OXR1: variants seen among roughly 807,000 people sequenced by gnomAD.
OXR1 encodes the protein oxidation resistance protein 1.
A neutral mutation model predicts 104.6 loss-of-function variants in OXR1; 41 were observed. That is an observed-to-expected ratio of 0.39 (90% CI 0.31 to 0.51). The LOEUF is 0.51. Ranked by LOEUF, OXR1 falls within the 20% of genes least tolerant of loss-of-function variation. The pLI is 0.77. For missense variants in OXR1, 955 were observed against 1,031.9 expected, an observed-to-expected ratio of 0.93 and a Z score of 1.02; for synonymous variants, 348 against 348.4, an observed-to-expected ratio of 1.00 and a Z score of 0.01.
At chr8:106,419,619 C>G (rs1234991402) in intron 2 of OXR1, among the ~76,000 whole-genome samples, 2 of 152,124 alleles carry the variant, frequency 1.3e-5, no homozygotes, top group Non-Finnish European at 2.9e-5. Flanking sequence ...TAGAGCCTAC[C>G]AAAGTCCCCA....
At chr8:106,658,233 G>C in intron 3 of OXR1, 2 of 1,230,936 alleles carry the variant, frequency 1.6e-6, no homozygotes, top group Non-Finnish European at 2.0e-6. Flanking sequence ...CTGGGCTGAG[G>C]GCTGTGGGGA....
At chr8:106,354,549 C>T (rs1815879869) in intron 1 of OXR1, among the ~76,000 whole-genome samples, 1 of 152,044 alleles carries the variant, frequency 6.6e-6, no homozygotes, top group Admixed American at 6.6e-5. Context: ...GGAATTGAAG[C>T]CTAATTTTCT....
chr8:106,709,078 G>A (rs996974512), intron 9 of OXR1, among the ~76,000 whole-genome samples: 2 of 151,830 alleles, frequency 1.3e-5, no homozygotes, highest in African/African-American at 4.8e-5. Flanking sequence ...CAAAACTAAT[G>A]CATGTTCAGT....
intron 1 of OXR1, among the ~76,000 whole-genome samples, chr8:106,339,131 A>C (rs1815088181): frequency 6.6e-6 from 1 of 152,034 alleles, no homozygotes; most frequent in African/African-American, 2.4e-5. Flanking sequence ...CACATTGATA[A>C]ATTTATTTGA....
At chr8:106,271,915 C>A (rs576987578) in intron 1 of OXR1, 3 of 152,230 alleles carry the variant, frequency 2.0e-5, no homozygotes, top group South Asian at 4.2e-4. Context: ...ATCTCCAAGG[C>A]GTCACTCCAG....
At chr8:106,448,859 A>G (rs756873189) in intron 2 of OXR1, among the ~76,000 whole-genome samples, 3 of 152,086 alleles carry the variant, frequency 2.0e-5, no homozygotes, top group Non-Finnish European at 4.4e-5. Flanking sequence ...CTTTTTCGTT[A>G]TTTCTGTCAG....
At chr8:106,490,200 A>G (rs1253336471) in intron 2 of OXR1, among the ~76,000 whole-genome samples, 2 of 152,218 alleles carry the variant, frequency 1.3e-5, no homozygotes, top group African/African-American at 2.4e-5. Flanking sequence ...TCTTTCAACA[A>G]TACGTTACCT....
chr8:106,407,308 T>A (rs1367781686), intron 2 of OXR1, among the ~76,000 whole-genome samples: 2 of 152,166 alleles, frequency 1.3e-5, no homozygotes, highest in Non-Finnish European at 2.9e-5. Context: ...GTGAGTGAGT[T>A]CTCCTTTGAA....
At chr8:106,592,484 C>T (rs544803843) in intron 3 of OXR1, among the ~76,000 whole-genome samples, 137 of 152,150 alleles carry the variant, frequency 9.0e-4, no homozygotes, top group African/African-American at 3.2e-3. Flanking sequence ...TAGAATGATC[C>T]TAAGTGATGG....
chr8:106,416,108 A>G (rs1367821855), intron 2 of OXR1, among the ~76,000 whole-genome samples: 1 of 152,092 alleles, frequency 6.6e-6, no homozygotes, highest in Non-Finnish European at 1.5e-5. Context: ...AGGTTAGAGA[A>G]TGGCTAATTA....
At chr8:106,684,598 AT>A (rs983695247) in intron 6 of OXR1, among the ~76,000 whole-genome samples, 13 of 152,156 alleles carry the variant, frequency 8.5e-5, no homozygotes, top group African/African-American at 3.1e-4. Flanking sequence ...ATCAACTCTT[AT>A]TTTTTAAAGA....
intron 2 of OXR1, among the ~76,000 whole-genome samples, chr8:106,405,177 TATATATATATATATATATATATATA>T (rs1232360952): frequency 0.061 from 1,639 of 27,066 alleles, 53 homozygotes; most frequent in African/African-American, 0.21. Flanking sequence ...TATATATATA[TATATATATATATATATATATATATA>T]GTGTGTGTGT....
chr8:106,421,405 A>G (rs1818900486), intron 2 of OXR1, among the ~76,000 whole-genome samples: 1 of 152,224 alleles, frequency 6.6e-6, no homozygotes, highest in African/African-American at 2.4e-5. Flanking sequence ...ATAAGCATTT[A>G]TAATTCTTCA....
intron 3 of OXR1, chr8:106,658,080 C>A: frequency 8.0e-7 from 1 of 1,248,324 alleles, no homozygotes; most frequent in South Asian, 4.1e-5. Flanking sequence ...CGGCGAAGCC[C>A]GGCAGGTGCG....
At chr8:106,439,715 A>T (rs1819710676) in intron 2 of OXR1, among the ~76,000 whole-genome samples, 1 of 152,074 alleles carries the variant, frequency 6.6e-6, no homozygotes, top group Admixed American at 6.6e-5. Flanking sequence ...CTGCTAGGAG[A>T]TCGAGCAGAG....
At chr8:106,387,890 T>C (rs1453665203) in intron 2 of OXR1, among the ~76,000 whole-genome samples, 2 of 152,346 alleles carry the variant, frequency 1.3e-5, no homozygotes, top group East Asian at 3.9e-4. Flanking sequence ...AACTTATTTT[T>C]CTCAAGGTAA....
At chr8:106,498,762 T>C (rs913247724) in intron 2 of OXR1, among the ~76,000 whole-genome samples, 5 of 152,174 alleles carry the variant, frequency 3.3e-5, no homozygotes, top group African/African-American at 1.2e-4. Context: ...TTTAAAAAAA[T>C]GTTTGGAGTT....
At chr8:106,603,035 A>AT (rs1219328957) in intron 3 of OXR1, among the ~76,000 whole-genome samples, 1 of 152,174 alleles carries the variant, frequency 6.6e-6, no homozygotes, top group Non-Finnish European at 1.5e-5. Context: ...GGGTATTATT[A>AT]TTTTAAAAGC....
At chr8:106,529,666 T>C (rs1484270970) in intron 3 of OXR1, among the ~76,000 whole-genome samples, 1 of 152,182 alleles carries the variant, frequency 6.6e-6, no homozygotes, top group East Asian at 1.9e-4. Flanking sequence ...CTGTCAGAAG[T>C]AATCAACCCA....
Sources: allele counts gnomAD v4.1 joint callset (sites outside exome capture counted in the v4.1 genomes callset), GRCh38; gene constraint gnomAD v4.1.1; transcripts MANE v1.5; gene names NCBI Gene and HGNC (gene_info 2026-07-23, HGNC 2026-07-21).